SMG6: variants seen among roughly 807,000 people sequenced by gnomAD.
The protein encoded by SMG6 is telomerase-binding protein EST1A.
Under a neutral mutation model 142.2 loss-of-function variants are expected in SMG6, and 66 were observed. The observed-to-expected ratio is 0.46, with a 90% CI of 0.38 to 0.57. SMG6 has a LOEUF of 0.57. Ranked by LOEUF, SMG6 falls within the 20% of genes least tolerant of loss-of-function variation. SMG6 has a pLI of 0.00. For synonymous variants in SMG6, 779 were observed against 702.4 expected, an observed-to-expected ratio of 1.11 and a Z score of -1.72; for missense variants, 1,793 against 1,832.0, an observed-to-expected ratio of 0.98 and a Z score of 0.39.
At chr17:2,109,797 A>G (rs1250617258) in intron 13 of SMG6, among the ~76,000 whole-genome samples, 1 of 152,180 alleles carries the variant, frequency 6.6e-6, no homozygotes, top group African/African-American at 2.4e-5. Context: ...CTTTAAAAAA[A>G]TTGACAACAC....
In SMG6 at chr17:2,065,650, C is replaced by T; in HGVS notation, c.3865G>A (p.Gly1289Arg). The T allele has an allele frequency of 6.2e-7, 1 of 1,613,564 alleles. No individual in the cohort carries two copies. The highest frequency in any genetic ancestry group is 8.5e-7 in the Non-Finnish European group (1 of 1,179,998). ...VINELDGLAKGQETDHRAGGY... is the reference protein window; with the variant it reads ...VINELDGLAKRQETDHRAGGY... ...CCAGCCCGGTGGTCTGTCTCCTGCC[C>T]CTTGGCCAGGCCGTCCAGCTCATTG... Residue 1289 changes from glycine to arginine, a missense_variant, in exon 17 of 19, where the codon GGG (glycine) becomes AGG (arginine). Transcript: ENST00000263073.
rs957689201 is a variant in SMG6, at chr17:2,291,054, A to G, written c.2337+1498T>C. Among the ~76,000 whole-genome samples the G allele has an allele frequency of 8.5e-5, 13 of 152,296 alleles. 2 individuals carry two copies. In the South Asian group the frequency reaches 2.5e-3, roughly 29 times the overall value. On this transcript the variant is annotated intron_variant, in intron 6 of 18. Transcript: ENST00000263073. Reference sequence around the variant, plus strand: ...GATGAAAATGTTCTGACACATGGCCAGGTGCGGTGGCTCACGCCTGTAATC... The same window carrying G: ...GATGAAAATGTTCTGACACATGGCCGGGTGCGGTGGCTCACGCCTGTAATC...
intron 8 of SMG6, among the ~76,000 whole-genome samples, chr17:2,258,798 C>CAA (rs771561105): frequency 3.0e-5 from 3 of 100,680 alleles, no homozygotes; most frequent in Non-Finnish European, 4.1e-5. Context: ...GACGCCAGCT[C>CAA]AAAAAAAAAA....
intron 12 of SMG6, among the ~76,000 whole-genome samples, chr17:2,181,004 A>G (rs1294126927): frequency 6.6e-6 from 1 of 152,300 alleles, no homozygotes; most frequent in Non-Finnish European, 1.5e-5. Context: ...CAAAACGATG[A>G]GCAGCAACAA....
chr17:2,169,093 T>C (rs111752471), intron 13 of SMG6, among the ~76,000 whole-genome samples: 5,779 of 151,346 alleles, frequency 0.038, 314 homozygotes, highest in African/African-American at 0.12. Context: ...CACATGCCTA[T>C]AGTCCCAGCT....
At chr17:2,294,093 T>C (rs216202) in intron 4 of SMG6, among the ~76,000 whole-genome samples, 87,151 of 152,030 alleles carry the variant, frequency 0.57, 26,231 homozygotes, top group East Asian at 0.75. Context: ...CAAAGCTTCA[T>C]TGAGAAGAAG....
At chr17:2,242,811 G>A (rs1367846131) in intron 9 of SMG6, among the ~76,000 whole-genome samples, 2 of 150,746 alleles carry the variant, frequency 1.3e-5, no homozygotes, top group African/African-American at 2.4e-5. Context: ...AGATGATACC[G>A]ATATCATCTT....
chr17:2,175,110 C>T (rs1295986261), intron 12 of SMG6, among the ~76,000 whole-genome samples: 3 of 152,238 alleles, frequency 2.0e-5, no homozygotes, highest in Non-Finnish European at 4.4e-5. Context: ...CGCTTCCTCC[C>T]CCAGTGCCCT....
At chr17:2,119,088 TGCTCTGTC>T (rs2069600473) in intron 13 of SMG6, among the ~76,000 whole-genome samples, 1 of 150,116 alleles carries the variant, frequency 6.7e-6, no homozygotes, top group Non-Finnish European at 1.5e-5. Flanking sequence ...GACGAAGTCT[TGCTCTGTC>T]GCCCAGGCTG....
At chr17:2,239,027 G>C (rs1031250862) in intron 9 of SMG6, among the ~76,000 whole-genome samples, 2 of 152,150 alleles carry the variant, frequency 1.3e-5, no homozygotes, top group Non-Finnish European at 2.9e-5. Context: ...GGGCTCAGTA[G>C]GTGGTTTCTG....
chr17:2,300,014 A>C lies in SMG6; in HGVS notation c.739T>G (p.Ser247Ala), dbSNP rs748756592. Residue 247 changes from serine (S) to alanine (A), a missense_variant, in exon 2 of 19, where the codon TCA becomes GCA. Physicochemically the swap from Ser to Ala is moderately conservative, Grantham distance 99. Transcript: ENST00000263073. ...RPGSAKRYSR[S>A]DKRRNRYRTR... ...CGGTAGCGATTCCTTCGTTTGTCTGAGCGGGAGTAGCGCTTTGCGGAGCCC... is the reference window on the plus strand; with the variant it reads ...CGGTAGCGATTCCTTCGTTTGTCTGCGCGGGAGTAGCGCTTTGCGGAGCCC... 6.2e-7 allele frequency: 1 copy of C among 1,614,078 alleles called. No individual in the cohort carries two copies. The highest frequency in any genetic ancestry group is 8.5e-7 in the Non-Finnish European group (1 of 1,180,024).
intron 9 of SMG6, chr17:2,237,043 T>G (rs931088474): frequency 6.2e-6 from 1 of 161,676 alleles, no homozygotes; most frequent in Admixed American, 6.5e-5. Flanking sequence ...GGTATGAAAC[T>G]TAATTCAATT....
At chr17:2,179,759 G>A (rs1444756165) in intron 12 of SMG6, among the ~76,000 whole-genome samples, 2 of 152,192 alleles carry the variant, frequency 1.3e-5, no homozygotes, top group Non-Finnish European at 2.9e-5. Context: ...CAGACAGCCA[G>A]ACTCCAAATG....
chr17:2,222,016 T>C (rs2073183790), intron 10 of SMG6, among the ~76,000 whole-genome samples: 1 of 152,224 alleles, frequency 6.6e-6, no homozygotes, highest in African/African-American at 2.4e-5. Context: ...ATTACAGACG[T>C]CGGCCACGGC....
chr17:2,061,427 T>A lies in SMG6; in HGVS notation c.*65A>T. 6.7e-7 allele frequency: 1 copy of A among 1,490,894 alleles called. No individual in the cohort carries two copies. Among genetic ancestry groups the A allele is most frequent in the South Asian group, 1.2e-5 (1 of 82,234 alleles). The allele number at this position is 1,490,894 out of a possible 1,614,324, so 92.4% of individuals were successfully genotyped here. On this transcript the variant is annotated 3_prime_UTR_variant, in exon 19 of 19. Coordinates refer to ENST00000263073, the MANE Select transcript of SMG6 (RefSeq NM_017575.5). ...TCAGGCACGTGGGCATCTTCCGTGC[T>A]ACACTGGGCGCCTGGTGGCCTTTCA...
Position 2,177,707 on chromosome 17 carries a change from A to C in SMG6, c.3156-4848T>G, listed in dbSNP as rs573955206. ...TTTCAGAGCTATGGAAGATCAGAGA[A>C]GCAGTACAGATGGGAAACAAGTTGG... On this transcript the variant is annotated intron_variant, in intron 12 of 18. Transcript: ENST00000263073. Among the ~76,000 whole-genome samples, 4 of 152,352 alleles carry C rather than the reference A, an allele frequency of 2.6e-5. No homozygotes were observed. In the South Asian group the frequency reaches 8.3e-4, roughly 32 times the overall value.
intron 13 of SMG6, among the ~76,000 whole-genome samples, chr17:2,149,232 C>T (rs578128776): frequency 1.3e-5 from 2 of 151,454 alleles, no homozygotes; most frequent in Admixed American, 1.3e-4. Flanking sequence ...TGCCTGTAAT[C>T]CCAGCTACTC....
chr17:2,090,354 G>A (rs1170466756), intron 13 of SMG6, among the ~76,000 whole-genome samples: 1 of 152,054 alleles, frequency 6.6e-6, no homozygotes, highest in African/African-American at 2.4e-5. Flanking sequence ...GGTAGGGAGG[G>A]TAAGAGAGAA....
At chr17:2,301,897 C>T (rs904888778) in intron 1 of SMG6, among the ~76,000 whole-genome samples, 1 of 152,120 alleles carries the variant, frequency 6.6e-6, no homozygotes, top group African/African-American at 2.4e-5. Context: ...CTAAACATTA[C>T]AATGGAAAAG....
Sources: gnomAD v4.1 joint callset for allele counts (sites outside exome capture counted in the v4.1 genomes callset) on GRCh38, gnomAD v4.1.1 for gene constraint, MANE v1.5 for transcripts, NCBI Gene and HGNC (gene_info 2026-07-23, HGNC 2026-07-21) for gene names.